KCNV2: variants seen among roughly 807,000 people sequenced by gnomAD.
KCNV2 encodes potassium voltage-gated channel subfamily V member 2.
Under a neutral mutation model 37.0 loss-of-function variants are expected in KCNV2, and 65 were observed. That is an observed-to-expected ratio of 1.76 (90% confidence interval 1.44 to 2.16). The LOEUF (loss-of-function observed/expected upper bound fraction) is 2.16, where lower values mean the gene tolerates loss of function less well. Ranked by LOEUF, KCNV2 falls within the 30% of genes most tolerant of loss-of-function variation. The pLI is 0.00. For synonymous variants in KCNV2, 518 were observed against 328.6 expected, an observed-to-expected ratio of 1.58 and a Z score of -6.23; for missense variants, 1,232 against 766.7, an observed-to-expected ratio of 1.61 and a Z score of -7.17.
chr9:2,722,773 C>T (rs1482680215), intron 1 of KCNV2, among the ~76,000 whole-genome samples: 1 of 152,136 alleles, frequency 6.6e-6, no homozygotes, highest in East Asian at 1.9e-4. Context: ...AGGTTCTTCT[C>T]TTTCATGAGG....
chr9:2,718,935 C>G lies in KCNV2; in HGVS notation c.1196C>G (p.Ala399Gly), dbSNP rs200444639. The change falls in exon 1 of 2, where the codon GCC becomes GGC. Residue 399 changes from alanine to glycine, a missense_variant. Coordinates refer to ENST00000382082, the MANE Select transcript of KCNV2 (RefSeq NM_133497.4). ...KLARHSTGLRAFGFTLRQCYQ... is the reference protein window; with the variant it reads ...KLARHSTGLRGFGFTLRQCYQ... ...GCGCGCCACTCCACCGGACTGCGTG[C>G]CTTCGGCTTCACGCTGCGCCAGTGC... 1.9e-6 allele frequency: 3 copies of G among 1,609,414 alleles called. No individual in the cohort carries two copies. Among genetic ancestry groups the G allele is most frequent in the African/African-American group, 1.3e-5 (1 of 74,966 alleles).
intron 1 of KCNV2, among the ~76,000 whole-genome samples, chr9:2,726,462 C>T (rs889570845): frequency 6.6e-6 from 1 of 151,986 alleles, no homozygotes; most frequent in African/African-American, 2.4e-5. Context: ...ATTCTCTTTG[C>T]TTTTGACTTT....
At chr9:2,728,881 TAA>T (rs60674628) in intron 1 of KCNV2, among the ~76,000 whole-genome samples, 1,801 of 98,346 alleles carry the variant, frequency 0.018, 33 homozygotes, top group African/African-American at 0.055. Context: ...CTGTTTTAAA[TAA>T]AAAAAAAAAA....
In KCNV2 at chr9:2,729,511, C is replaced by T. The variant is rs1820027769; in HGVS notation, c.1422C>T (p.Ala474=). ...YPETHLGRFF[A]FLCIAFGIIL... is the part of the protein sequence containing the mutation. ...AGACCCACCTGGGCAGGTTTTTTGC[C>T]TTCCTCTGCATTGCTTTTGGGATCA... The change falls in exon 2 of 2, where the codon GCC becomes GCT. Residue 474 remains alanine (A), a synonymous_variant. Transcript: ENST00000382082. 3 of 1,614,118 alleles carry T rather than the reference C, an allele frequency of 1.9e-6. No individual in the cohort carries two copies. Among genetic ancestry groups the T allele is most frequent in the Non-Finnish European group, 2.5e-6 (3 of 1,180,020 alleles).
chr9:2,717,833 T>G lies in KCNV2; in HGVS notation c.94T>G (p.Ser32Ala), dbSNP rs1202370414. Reference protein sequence around the residue: ...EGSQHRRSICSLGARSGSQAS... With the variant: ...EGSQHRRSICALGARSGSQAS... ...CAGCCAACACCGCAGGAGCATTTGC[T>G]CCCTGGGTGCCCGTTCCGGCTCCCA... Residue 32 changes from serine (S) to alanine (A), a missense_variant, in exon 1 of 2, where the codon TCC (serine) becomes GCC (alanine). By Grantham distance (99) the Ser-to-Ala change is moderately conservative. Coordinates refer to ENST00000382082, the MANE Select transcript of KCNV2 (RefSeq NM_133497.4). The G allele has an allele frequency of 1.2e-6, 2 of 1,614,074 alleles. No homozygotes were observed. The highest frequency in any genetic ancestry group is 1.7e-6 in the Non-Finnish European group (2 of 1,180,036).
chr9:2,719,150 T>TC, intron 1 of KCNV2, 55 bp downstream of exon 1: 1 of 1,586,856 alleles, frequency 6.3e-7, no homozygotes, highest in African/African-American at 1.3e-5. Context: ...AGTGAGCTGC[T>TC]CCTCCCTCCC....
intron 1 of KCNV2, among the ~76,000 whole-genome samples, chr9:2,721,708 G>T (rs1202772989): frequency 1.3e-5 from 2 of 152,118 alleles, no homozygotes; most frequent in African/African-American, 4.8e-5. Flanking sequence ...CATTCTAATG[G>T]AGAAAGACAG....
In KCNV2 at chr9:2,729,818, T is replaced by C. The variant is rs1026764400; in HGVS notation, c.*91T>C. 53 of 1,386,068 alleles carry C rather than the reference T, an allele frequency of 3.8e-5. 1 individual carries two copies. Among genetic ancestry groups the C allele is most frequent in the Non-Finnish European group, 4.9e-5 (48 of 977,860 alleles). 85.9% of individuals were successfully genotyped at this position (1,386,068 alleles called of 1,614,324 possible). On this transcript the variant is annotated 3_prime_UTR_variant, in exon 2 of 2. Coordinates refer to ENST00000382082, the MANE Select transcript of KCNV2 (RefSeq NM_133497.4). ...CATTATGATTGGCAGCAAAAGGAAA[T>C]GTGAAGCAGACATACACAAAGGCCA... is the stretch of plus-strand genomic sequence containing the variant.
At chr9:2,723,255 T>C (rs908844583) in intron 1 of KCNV2, among the ~76,000 whole-genome samples, 4 of 152,234 alleles carry the variant, frequency 2.6e-5, no homozygotes, top group African/African-American at 7.2e-5. Flanking sequence ...CTGTATCCTT[T>C]GTGAAATATG....
intron 1 of KCNV2, among the ~76,000 whole-genome samples, chr9:2,725,223 C>T (rs928247606): frequency 2.0e-5 from 3 of 152,158 alleles, no homozygotes; most frequent in Admixed American, 6.6e-5. Context: ...GCACACCTAC[C>T]GCTTATTGTA....
At position 2,718,729 on chromosome 9, in the gene KCNV2, C is replaced by T. The variant is rs773388753; in HGVS notation, c.990C>T (p.Phe330=). The T allele has an allele frequency of 3.7e-6, 6 of 1,612,450 alleles. No homozygotes were observed. The highest frequency in any genetic ancestry group is 4.2e-6 in the Non-Finnish European group (5 of 1,179,852). The change falls in exon 1 of 2, where the codon TTC becomes TTT. Residue 330 remains phenylalanine (F), a synonymous_variant. Coordinates refer to ENST00000382082, the MANE Select transcript of KCNV2 (RefSeq NM_133497.4). ...CCTCCACGCCCGACCTGAGGCGCTT[C>T]GCGCGCAGCGCCCTCAACCTGGTGG... ...RLASTPDLRR[F]ARSALNLVDL...
rs1173841076 is a variant in KCNV2, at chr9:2,718,441, C to G, written c.702C>G (p.Arg234=). ...TCGAGGAGGCGGAGGAACTCTTCCGCGACATGCGCTTCTACGGCCCGCAGC... is the reference window on the plus strand; with the variant it reads ...TCGAGGAGGCGGAGGAACTCTTCCGGGACATGCGCTTCTACGGCCCGCAGC... ...AQVEEAEELF[R]DMRFYGPQRR... Residue 234 remains arginine, a synonymous_variant, in exon 1 of 2, where the codon CGC becomes CGG. Transcript: ENST00000382082. 1.2e-6 allele frequency: 2 copies of G among 1,606,912 alleles called. No individual in the cohort carries two copies. The highest frequency in any genetic ancestry group is 1.7e-6 in the Non-Finnish European group (2 of 1,177,432).
At position 2,717,926 on chromosome 9, in the gene KCNV2, G is replaced by A. The variant is rs370779648; in HGVS notation, c.187G>A (p.Glu63Lys). ...YYIEEDEDGEEEDQWKDDLAE... is the reference protein window; with the variant it reads ...YYIEEDEDGEKEDQWKDDLAE... ...CATCGAGGAAGACGAAGACGGCGAG[G>A]AGGAGGACCAGTGGAAGGACGACCT... The change falls in exon 1 of 2, where the codon GAG becomes AAG. Residue 63 changes from glutamate (E) to lysine (K), a missense_variant. Physicochemically the swap from Glu to Lys is moderately conservative, Grantham distance 56 (BLOSUM62 1). Coordinates refer to ENST00000382082, the MANE Select transcript of KCNV2 (RefSeq NM_133497.4). 68 of 1,614,048 alleles carry A rather than the reference G, an allele frequency of 4.2e-5. No homozygotes were observed. Among genetic ancestry groups the A allele is most frequent in the Non-Finnish European group, 5.6e-5 (66 of 1,180,034 alleles).
Position 2,717,799 on chromosome 9 carries a change from G to C in KCNV2, c.60G>C (p.Glu20Asp), listed in dbSNP as rs199939330. Residue 20 changes from glutamate (E) to aspartate (D), a missense_variant, in exon 1 of 2, where the codon GAG becomes GAC. Transcript: ENST00000382082. ...GCTACAGGCCCTGGAACACGACGGA[G>C]AATGAGGGCAGCCAACACCGCAGGA... The part of the protein sequence containing the change: ...SWSYRPWNTT[E>D]NEGSQHRRSI... The C allele has an allele frequency of 6.2e-7, 1 of 1,614,254 alleles. No homozygotes were observed. Among genetic ancestry groups the C allele is most frequent in the Non-Finnish European group, 8.5e-7 (1 of 1,180,048 alleles).
chr9:2,718,678 C>A lies in KCNV2; in HGVS notation c.939C>A (p.Phe313Leu). ...TGGAGATGCTGTGCATGGGCTTCTT[C>A]ACGCTCGAGTACCTGCTGCGCCTAG... ...EHVEMLCMGFFTLEYLLRLAS... is the reference protein window; with the variant it reads ...EHVEMLCMGFLTLEYLLRLAS... The change falls in exon 1 of 2, where the codon TTC (phenylalanine) becomes TTA (leucine). Residue 313 changes from phenylalanine (F) to leucine (L), a missense_variant. By Grantham distance (22) the Phe-to-Leu change is conservative (BLOSUM62 0). Coordinates refer to ENST00000382082, the MANE Select transcript of KCNV2 (RefSeq NM_133497.4). 1 of 1,613,390 alleles carries A rather than the reference C, an allele frequency of 6.2e-7. No homozygotes were observed. The highest frequency in any genetic ancestry group is 8.5e-7 in the Non-Finnish European group (1 of 1,179,848).
intron 1 of KCNV2, among the ~76,000 whole-genome samples, chr9:2,724,728 G>A (rs1433004162): frequency 2.0e-5 from 3 of 152,222 alleles, no homozygotes; most frequent in African/African-American, 7.2e-5. Context: ...CCAGAGGCAG[G>A]ATTAGAGACC....
In KCNV2 at chr9:2,729,884, G is replaced by C. The variant is rs1659724736; in HGVS notation, c.*157G>C. 1 of 745,270 alleles carries C rather than the reference G, an allele frequency of 1.3e-6. No individual in the cohort carries two copies. The highest frequency in any genetic ancestry group is 1.8e-5 in the African/African-American group (1 of 56,762). The allele number at this position is 745,270 out of a possible 1,614,324, so 46.2% of individuals were successfully genotyped here. On this transcript the variant is annotated 3_prime_UTR_variant, in exon 2 of 2. Coordinates refer to ENST00000382082, the MANE Select transcript of KCNV2 (RefSeq NM_133497.4). ...ACTGCCTCTAGAAATACTCATTTTGGCCCAAACTCAGAATGTCTCATAGTT... is the reference window on the plus strand; with the variant it reads ...ACTGCCTCTAGAAATACTCATTTTGCCCCAAACTCAGAATGTCTCATAGTT...
At chr9:2,725,063 C>T (rs1819947002) in intron 1 of KCNV2, among the ~76,000 whole-genome samples, 1 of 152,090 alleles carries the variant, frequency 6.6e-6, no homozygotes, top group Non-Finnish European at 1.5e-5. Flanking sequence ...CTCATTTTAG[C>T]CAATATGATG....
At chr9:2,722,425 G>C (rs1335170937) in intron 1 of KCNV2, among the ~76,000 whole-genome samples, 1 of 136,682 alleles carries the variant, frequency 7.3e-6, no homozygotes, top group Non-Finnish European at 1.5e-5. Context: ...TTTATAAATA[G>C]AAGTTATTTA....
Sources: allele counts gnomAD v4.1 joint callset (sites outside exome capture counted in the v4.1 genomes callset), GRCh38; gene constraint gnomAD v4.1.1; transcripts MANE v1.5; gene names NCBI Gene and HGNC (gene_info 2026-07-23, HGNC 2026-07-21).